CPPED1: variants seen among roughly 807,000 people sequenced by gnomAD.
CPPED1 encodes calcineurin like phosphoesterase domain containing 1, also known as serine/threonine-protein phosphatase CPPED1.
A neutral mutation model predicts 28.0 loss-of-function variants in CPPED1; 28 were observed. The ratio of observed to expected loss-of-function variants is 1.00; its 90% CI spans 0.74 to 1.37. The LOEUF (loss-of-function observed/expected upper bound fraction) is 1.37, where lower values mean the gene tolerates loss of function less well. CPPED1 is among the 40% of genes most tolerant of loss of function. CPPED1 has a pLI of 0.00. For synonymous variants in CPPED1, 198 were observed against 180.2 expected, an observed-to-expected ratio of 1.10 and a Z score of -0.79; for missense variants, 504 against 416.5, an observed-to-expected ratio of 1.21 and a Z score of -1.83.
chr16:12,770,373 C>A (rs1185593226), intron 2 of CPPED1, among the ~76,000 whole-genome samples: 5 of 152,168 alleles, frequency 3.3e-5, no homozygotes, highest in East Asian at 1.9e-4. Flanking sequence ...GGCGTTACTG[C>A]AAGATTAACC....
At chr16:12,747,965 C>T (rs1424272083) in intron 2 of CPPED1, among the ~76,000 whole-genome samples, 1 of 152,116 alleles carries the variant, frequency 6.6e-6, no homozygotes, top group Non-Finnish European at 1.5e-5. Flanking sequence ...CGTCTCACAC[C>T]CAAGAGACTG....
chr16:12,731,247 G>A (rs1191174804), intron 2 of CPPED1, among the ~76,000 whole-genome samples: 2 of 150,740 alleles, frequency 1.3e-5, no homozygotes, highest in Admixed American at 1.3e-4. Context: ...TCCACCCCCC[G>A]GGTTCATGCC....
At chr16:12,708,754 C>G (rs937840061) in intron 2 of CPPED1, among the ~76,000 whole-genome samples, 2 of 152,174 alleles carry the variant, frequency 1.3e-5, no homozygotes, top group African/African-American at 4.8e-5. Context: ...TAACAAAGAT[C>G]ATAGCACAAC....
rs144450377 is a variant in CPPED1, at chr16:12,782,852, C to G, written c.71-1449G>C. Among the ~76,000 whole-genome samples, 338 of 151,270 alleles carry G rather than the reference C, an allele frequency of 2.2e-3. 1 individual carries two copies. The highest frequency in any genetic ancestry group is 8.0e-3 in the African/African-American group (331 of 41,190). On this transcript the variant is annotated intron_variant, in intron 1 of 3. Transcript: ENST00000381774. ...CGTCACTGCACTCCAGCCTGGGTGACAGAATGAGACTCTATCTCAATAATA... is the reference window on the plus strand; with the variant it reads ...CGTCACTGCACTCCAGCCTGGGTGAGAGAATGAGACTCTATCTCAATAATA...
chr16:12,698,937 G>A (rs1224181673), intron 3 of CPPED1, among the ~76,000 whole-genome samples: 2 of 152,020 alleles, frequency 1.3e-5, no homozygotes, highest in Middle Eastern at 3.4e-3. Context: ...ATCTCTCTTC[G>A]GAGAATGGAA....
chr16:12,663,902 G>A lies in CPPED1; in HGVS notation c.*984C>T, dbSNP rs991128401. The A allele has an allele frequency of 6.6e-6, 1 of 152,202 alleles. No individual in the cohort carries two copies. Among genetic ancestry groups the A allele is most frequent in the Admixed American group, 6.5e-5 (1 of 15,282 alleles). 9.4% of individuals were successfully genotyped at this position (152,202 alleles called of 1,614,324 possible). A position where few individuals can be genotyped will look rare whatever the true frequency, so the allele number is the denominator to read the frequency against. On this transcript the variant is annotated 3_prime_UTR_variant, in exon 4 of 4. Coordinates refer to ENST00000381774, the MANE Select transcript of CPPED1 (RefSeq NM_018340.3). ...AATGCTGGTTTGAAATAACCTATGC[G>A]CTTTTGTCAAGGGATTTTGCATTAG...
chr16:12,688,017 C>A (rs1182551852), intron 3 of CPPED1, among the ~76,000 whole-genome samples: 3 of 151,306 alleles, frequency 2.0e-5, no homozygotes, highest in African/African-American at 7.3e-5. Context: ...CAGCAGGTGC[C>A]ACGCAACTCA....
At chr16:12,683,020 G>C (rs2079913835) in intron 3 of CPPED1, among the ~76,000 whole-genome samples, 2 of 152,194 alleles carry the variant, frequency 1.3e-5, no homozygotes, top group South Asian at 4.1e-4. Context: ...ACTCGAGGGA[G>C]GTAGACAGAC....
chr16:12,714,002 C>A (rs913694064), intron 2 of CPPED1, among the ~76,000 whole-genome samples: 5 of 152,128 alleles, frequency 3.3e-5, no homozygotes, highest in Admixed American at 1.3e-4. Flanking sequence ...TTTCTCCACT[C>A]CAGGCATTTC....
At chr16:12,724,439 C>A (rs534808094) in intron 2 of CPPED1, among the ~76,000 whole-genome samples, 1 of 152,178 alleles carries the variant, frequency 6.6e-6, no homozygotes, top group African/African-American at 2.4e-5. Context: ...ATGAGTGGCC[C>A]GTGCAATCCA....
At position 12,736,583 on chromosome 16, in the gene CPPED1, G is replaced by C. The variant is rs937687454; in HGVS notation, c.290-31534C>G. Among the ~76,000 whole-genome samples the C allele has an allele frequency of 2.6e-5, 4 of 152,110 alleles. No individual in the cohort carries two copies. In the South Asian group the frequency reaches 6.2e-4, roughly 24 times the overall value. ...TCTGGAAACTTCTAGCTGTTGTGTT[G>C]AAGGGAATCAAAGTAAATTCTAGCC... On this transcript the variant is annotated intron_variant, in intron 2 of 3. Coordinates refer to ENST00000381774, the MANE Select transcript of CPPED1 (RefSeq NM_018340.3).
chr16:12,677,720 C>T (rs1049771453), intron 3 of CPPED1, among the ~76,000 whole-genome samples: 25 of 152,214 alleles, frequency 1.6e-4, no homozygotes, highest in African/African-American at 3.4e-4. Context: ...CCATCACTTC[C>T]GGCTTCAGCC....
At chr16:12,716,850 C>T (rs1234878634) in intron 2 of CPPED1, among the ~76,000 whole-genome samples, 1 of 151,540 alleles carries the variant, frequency 6.6e-6, no homozygotes, top group African/African-American at 2.4e-5. Flanking sequence ...AGGGAGGGGC[C>T]CAGACATGGG....
At chr16:12,677,466 C>G (rs926376026) in intron 3 of CPPED1, among the ~76,000 whole-genome samples, 3 of 152,218 alleles carry the variant, frequency 2.0e-5, no homozygotes, top group African/African-American at 7.2e-5. Context: ...TGGCAAAACC[C>G]TGTCTCTACT....
At chr16:12,667,148 C>G (rs2079830047) in intron 3 of CPPED1, among the ~76,000 whole-genome samples, 1 of 151,992 alleles carries the variant, frequency 6.6e-6, no homozygotes, top group African/African-American at 2.4e-5. Flanking sequence ...AAAAAAACAC[C>G]CCTTACTCAC....
At chr16:12,713,092 G>A (rs187512831) in intron 2 of CPPED1, among the ~76,000 whole-genome samples, 1,553 of 124,736 alleles carry the variant, frequency 0.012, 15 homozygotes, top group Admixed American at 0.025. Context: ...AAGGTATTTC[G>A]AAATAAGTTC....
At chr16:12,733,816 T>C (rs2080211938) in intron 2 of CPPED1, among the ~76,000 whole-genome samples, 2 of 152,020 alleles carry the variant, frequency 1.3e-5, no homozygotes, top group Non-Finnish European at 2.9e-5. Context: ...CAATGAGGAG[T>C]TGTGCACTGC....
At chr16:12,726,825 TAAATA>T (rs1016429959) in intron 2 of CPPED1, among the ~76,000 whole-genome samples, 1 of 151,754 alleles carries the variant, frequency 6.6e-6, no homozygotes, top group African/African-American at 2.4e-5. Flanking sequence ...AATAAATAAA[TAAATA>T]AAATAAAAAT....
chr16:12,723,296 G>GA, intron 2 of CPPED1, among the ~76,000 whole-genome samples: 1 of 152,266 alleles, frequency 6.6e-6, no homozygotes, highest in Middle Eastern at 3.4e-3. Context: ...AGCTGCAATG[G>GA]GCAGGATATG....
Sources: allele counts gnomAD v4.1 joint callset (sites outside exome capture counted in the v4.1 genomes callset), GRCh38; gene constraint gnomAD v4.1.1; transcripts MANE v1.5; gene names NCBI Gene and HGNC (gene_info 2026-07-23, HGNC 2026-07-21).